The following CHRNA7 variants were observed in gnomAD, a reference collection of about 807,000 sequenced individuals.
CHRNA7 encodes the protein cholinergic receptor nicotinic alpha 7 subunit, also known as neuronal acetylcholine receptor subunit alpha-7.
In CHRNA7, 17 loss-of-function variants were observed where a neutral mutation model predicts 48.0. The ratio of observed to expected loss-of-function variants is 0.35; its 90% confidence interval spans 0.24 to 0.53. CHRNA7 has a LOEUF of 0.53. Ranked by LOEUF, CHRNA7 falls within the 20% of genes least tolerant of loss-of-function variation. CHRNA7 has a pLI of 0.92. For missense variants in CHRNA7, 155 were observed against 577.7 expected, an observed-to-expected ratio of 0.27 and a Z score of 7.50; for synonymous variants, 75 against 242.3, an observed-to-expected ratio of 0.31 and a Z score of 6.41.
Position 32,074,944 on chromosome 15 carries a change from T to C in CHRNA7, c.196-26359T>C, listed in dbSNP as rs562121902. On this transcript the variant is annotated intron_variant, in intron 2 of 9. Coordinates refer to ENST00000306901, the MANE Select transcript of CHRNA7 (RefSeq NM_000746.6). ...GATTACAGGCATGTGCCACCGCGGC[T>C]GGCCAGAATCACATTATTTGATATG... 3.6e-3 allele frequency among the ~76,000 whole-genome samples: 542 copies of C among 152,282 alleles called. 3 individuals carry two copies. Among genetic ancestry groups the C allele is most frequent in the African/African-American group, 0.012 (508 of 41,572 alleles).
intron 4 of CHRNA7, among the ~76,000 whole-genome samples, chr15:32,122,887 CA>C (rs61151556): frequency 0.011 from 1,160 of 107,840 alleles, 10 homozygotes; most frequent in East Asian, 0.074. Context: ...GCTCTCAAAG[CA>C]AAAAAAAAAA....
chr15:32,130,754 G>A (rs2051141361), intron 4 of CHRNA7, among the ~76,000 whole-genome samples: 1 of 151,618 alleles, frequency 6.6e-6, no homozygotes, highest in Admixed American at 6.6e-5. Flanking sequence ...ACATCTTACT[G>A]GTTCAAGTAA....
chr15:32,069,143 C>T (rs1222575863), intron 2 of CHRNA7, among the ~76,000 whole-genome samples: 3 of 152,100 alleles, frequency 2.0e-5, no homozygotes, highest in Non-Finnish European at 4.4e-5. Flanking sequence ...CTAATAGACA[C>T]ATCTATAGGA....
At chr15:32,070,439 C>G (rs1004958755) in intron 2 of CHRNA7, among the ~76,000 whole-genome samples, 11 of 151,866 alleles carry the variant, frequency 7.2e-5, no homozygotes, top group Non-Finnish European at 1.5e-4. Context: ...ATACTCTTAA[C>G]AAGGTATTTT....
chr15:32,108,708 A>G (rs2050713035), intron 3 of CHRNA7, among the ~76,000 whole-genome samples: 2 of 152,126 alleles, frequency 1.3e-5, no homozygotes, highest in African/African-American at 4.8e-5. Flanking sequence ...GACTGTTACT[A>G]CAGCTCCCAA....
At chr15:32,040,760 C>T (rs1443901371) in intron 2 of CHRNA7, among the ~76,000 whole-genome samples, 3 of 151,642 alleles carry the variant, frequency 2.0e-5, no homozygotes, top group Non-Finnish European at 4.4e-5. Flanking sequence ...TCACTTTTTC[C>T]TTCTTCAGTG....
At chr15:32,107,076 C>T (rs1250189364) in intron 3 of CHRNA7, among the ~76,000 whole-genome samples, 1 of 152,070 alleles carries the variant, frequency 6.6e-6, no homozygotes, top group Non-Finnish European at 1.5e-5. Flanking sequence ...CTGCTTTCCT[C>T]CACTAACAAA....
chr15:32,081,526 A>G (rs1305585685), intron 2 of CHRNA7, among the ~76,000 whole-genome samples: 1 of 152,074 alleles, frequency 6.6e-6, no homozygotes, highest in Non-Finnish European at 1.5e-5. Context: ...AATTATTCCA[A>G]TGAGTAATAC....
intron 4 of CHRNA7, 139 bp downstream of exon 4, chr15:32,112,038 C>T (rs947485249): frequency 4.9e-5 from 33 of 671,484 alleles, no homozygotes; most frequent in Admixed American, 2.4e-4. Context: ...GCTTTCCGAG[C>T]GGCCAGGCCT....
chr15:32,142,195 T>G (rs1273842172), intron 4 of CHRNA7, among the ~76,000 whole-genome samples: 2 of 152,254 alleles, frequency 1.3e-5, no homozygotes, highest in African/African-American at 4.8e-5. Context: ...TTTTTGTCAT[T>G]GGTTCTGTTT....
At chr15:32,120,360 G>T (rs1465738784) in intron 4 of CHRNA7, among the ~76,000 whole-genome samples, 2 of 152,126 alleles carry the variant, frequency 1.3e-5, no homozygotes, top group African/African-American at 4.8e-5. Flanking sequence ...GCTCTGCCAG[G>T]CTCAGCCTTC....
chr15:32,118,591 A>C (rs2050912772), intron 4 of CHRNA7, among the ~76,000 whole-genome samples: 1 of 152,162 alleles, frequency 6.6e-6, no homozygotes, highest in African/African-American at 2.4e-5. Context: ...CGAACTGTCC[A>C]TCTCACTCTC....
chr15:32,060,526 C>T (rs1448236523), intron 2 of CHRNA7, among the ~76,000 whole-genome samples: 2 of 152,064 alleles, frequency 1.3e-5, no homozygotes, highest in African/African-American at 2.4e-5. Flanking sequence ...GAAAACTGAA[C>T]AATCCAATAA....
chr15:32,036,011 A>T (rs1329251225), intron 2 of CHRNA7, among the ~76,000 whole-genome samples: 1 of 152,174 alleles, frequency 6.6e-6, no homozygotes, highest in East Asian at 1.9e-4. Context: ...ATAATGGCAT[A>T]ATGTGTAATA....
Position 32,170,441 on chromosome 15 carries a change from T to C in CHRNA7, c.*1983T>C, listed in dbSNP as rs1220316482. On this transcript the variant is annotated 3_prime_UTR_variant, in exon 10 of 10. Coordinates refer to ENST00000306901, the MANE Select transcript of CHRNA7 (RefSeq NM_000746.6). ...AAGATTTTCGGTTTTTTTTTTTTTT[T>C]CTGTTACAGTGTCTTTAGAAACAAG... 6.8e-6 allele frequency: 1 copy of C among 147,924 alleles called. No individual in the cohort carries two copies. The highest frequency in any genetic ancestry group is 2.1e-4 in the South Asian group (1 of 4,694). The allele number at this position is 147,924 out of a possible 1,614,324, so 9.2% of individuals were successfully genotyped here.
intron 3 of CHRNA7, among the ~76,000 whole-genome samples, chr15:32,109,412 G>A (rs2050726454): frequency 6.6e-6 from 1 of 152,136 alleles, no homozygotes; most frequent in African/African-American, 2.4e-5. Context: ...CCAACTTCCT[G>A]TCTCATCCTG....
At chr15:32,089,416 C>G (rs934195396) in intron 2 of CHRNA7, among the ~76,000 whole-genome samples, 18 of 152,016 alleles carry the variant, frequency 1.2e-4, no homozygotes, top group African/African-American at 4.3e-4. Context: ...GGCCATCAAA[C>G]GCTTTCTTTC....
chr15:32,054,520 G>A (rs2049751312), intron 2 of CHRNA7, among the ~76,000 whole-genome samples: 1 of 152,126 alleles, frequency 6.6e-6, no homozygotes, highest in Non-Finnish European at 1.5e-5. Context: ...AATTCAGTGG[G>A]TTACCACAAA....
chr15:32,050,549 A>G (rs1341005221), intron 2 of CHRNA7, among the ~76,000 whole-genome samples: 24 of 152,164 alleles, frequency 1.6e-4, no homozygotes, highest in Non-Finnish European at 2.6e-4. Context: ...ACATTCGTCT[A>G]AATTTTTTTC....
Sources: allele counts gnomAD v4.1 joint callset (sites outside exome capture counted in the v4.1 genomes callset), GRCh38; gene constraint gnomAD v4.1.1; transcripts MANE v1.5; gene names NCBI Gene and HGNC (gene_info 2026-07-23, HGNC 2026-07-21).